SLC24A2: variants seen among roughly 807,000 people sequenced by gnomAD.
SLC24A2 encodes solute carrier family 24 member 2, also known as sodium/potassium/calcium exchanger 2.
In SLC24A2, 36 loss-of-function variants were observed where a neutral mutation model predicts 62.0. The ratio of observed to expected loss-of-function variants is 0.58; its 90% CI spans 0.44 to 0.77. The LOEUF (loss-of-function observed/expected upper bound fraction) is 0.77. Among genes scored for constraint, SLC24A2 ranks in the 30% least tolerant of loss-of-function variants. SLC24A2 has a pLI of 0.00. For missense variants in SLC24A2, 846 were observed against 817.9 expected, an observed-to-expected ratio of 1.03 and a Z score of -0.42; for synonymous variants, 358 against 294.0, an observed-to-expected ratio of 1.22 and a Z score of -2.23.
Position 19,543,635 on chromosome 9 carries a change from G to A in SLC24A2, c.1479+6502C>T, listed in dbSNP as rs115278117. ...CCAGAGATTGTACGTTGTGTTGTTA[G>A]TTCTCATTGGTTTCAAAGAACATCT... On this transcript the variant is annotated intron_variant, in intron 8 of 10. Transcript: ENST00000341998. Among the ~76,000 whole-genome samples, 632 of 152,212 alleles carry A rather than the reference G, an allele frequency of 4.2e-3. 8 individuals are homozygous for A. The highest frequency in any genetic ancestry group is 0.014 in the African/African-American group (599 of 41,534).
At chr9:20,014,141 A>T in the SLC24A2 span, among the ~76,000 whole-genome samples, 1 of 152,134 alleles carries the variant, frequency 6.6e-6, no homozygotes, top group Non-Finnish European at 1.5e-5. Context: ...CTGGGAGGTC[A>T]AGGCTGCAGT....
chr9:19,988,054 TA>T, the SLC24A2 span, among the ~76,000 whole-genome samples: 1 of 152,210 alleles, frequency 6.6e-6, no homozygotes. Context: ...AATAGTTCCT[TA>T]TTCACATCTG....
At chr9:19,586,881 T>C (rs1184351002) in intron 5 of SLC24A2, among the ~76,000 whole-genome samples, 1 of 152,220 alleles carries the variant, frequency 6.6e-6, no homozygotes, top group Non-Finnish European at 1.5e-5. Context: ...TTCTCAGATT[T>C]GATTTCTGAG....
chr9:20,222,246 A>T, the SLC24A2 span, among the ~76,000 whole-genome samples: 84 of 151,960 alleles, frequency 5.5e-4, no homozygotes, highest in Admixed American at 9.2e-4. Flanking sequence ...GAATGTAGAA[A>T]CTGTATTGGT....
the SLC24A2 span, among the ~76,000 whole-genome samples, chr9:20,115,604 G>T: frequency 6.6e-6 from 1 of 152,108 alleles, no homozygotes; most frequent in Admixed American, 6.6e-5. Context: ...CGTCAAACTT[G>T]ATTTCTTAAG....
intron 2 of SLC24A2, among the ~76,000 whole-genome samples, chr9:19,625,711 G>A (rs1818017062): frequency 6.7e-6 from 1 of 149,814 alleles, no homozygotes; most frequent in South Asian, 2.1e-4. Context: ...TTTGAGATGG[G>A]GTTTCACTCT....
At chr9:20,093,018 T>C in the SLC24A2 span, among the ~76,000 whole-genome samples, 1 of 152,128 alleles carries the variant, frequency 6.6e-6, no homozygotes, top group African/African-American at 2.4e-5. Context: ...CTTATGTGAA[T>C]TGTATTTATA....
chr9:20,020,323 A>C, the SLC24A2 span, among the ~76,000 whole-genome samples: 1 of 152,242 alleles, frequency 6.6e-6, no homozygotes, highest in Non-Finnish European at 1.5e-5. Flanking sequence ...AACCAACCCA[A>C]ATGTCCATCA....
the SLC24A2 span, among the ~76,000 whole-genome samples, chr9:20,121,361 T>C: frequency 6.6e-6 from 1 of 152,062 alleles, no homozygotes; most frequent in Non-Finnish European, 1.5e-5. Context: ...TTTGATGCTA[T>C]TATAAATGAA....
chr9:20,191,440 G>A, the SLC24A2 span, among the ~76,000 whole-genome samples: 1 of 151,880 alleles, frequency 6.6e-6, no homozygotes, highest in African/African-American at 2.4e-5. Context: ...TCCTCACCAG[G>A]GATAAGTACA....
the SLC24A2 span, among the ~76,000 whole-genome samples, chr9:20,251,856 G>A: frequency 6.6e-6 from 1 of 152,150 alleles, no homozygotes; most frequent in Non-Finnish European, 1.5e-5. Context: ...GACTCAAGAT[G>A]CTGCTGCAGT....
chr9:19,609,502 A>G (rs900446886), intron 4 of SLC24A2, among the ~76,000 whole-genome samples: 1 of 152,176 alleles, frequency 6.6e-6, no homozygotes, highest in Non-Finnish European at 1.5e-5. Context: ...TAGGACTGGG[A>G]TTGAGTTGCA....
At chr9:20,238,452 G>A in the SLC24A2 span, among the ~76,000 whole-genome samples, 1 of 152,298 alleles carries the variant, frequency 6.6e-6, no homozygotes, top group Non-Finnish European at 1.5e-5. Context: ...TACCACCCCA[G>A]ATCGAGGAAA....
At chr9:19,859,396 C>G in the SLC24A2 span, among the ~76,000 whole-genome samples, 1 of 152,086 alleles carries the variant, frequency 6.6e-6, no homozygotes, top group Non-Finnish European at 1.5e-5. Context: ...CTATTGAGCA[C>G]TATGCTTATT....
the SLC24A2 span, among the ~76,000 whole-genome samples, chr9:20,075,600 T>A: frequency 1.3e-5 from 2 of 152,160 alleles, no homozygotes; most frequent in South Asian, 4.1e-4. Flanking sequence ...GGAGATCAGA[T>A]GGCTTGTAGG....
At chr9:20,175,962 G>C in the SLC24A2 span, among the ~76,000 whole-genome samples, 1 of 152,018 alleles carries the variant, frequency 6.6e-6, no homozygotes, top group Non-Finnish European at 1.5e-5. Flanking sequence ...CATGGAGAGG[G>C]TGTGAGCTGA....
the SLC24A2 span, among the ~76,000 whole-genome samples, chr9:19,941,576 T>TGC: frequency 8.6e-6 from 1 of 116,726 alleles, no homozygotes; most frequent in Non-Finnish European, 1.9e-5. Flanking sequence ...TGTGTGTGTG[T>TGC]GTGTGTGTGT....
the SLC24A2 span, among the ~76,000 whole-genome samples, chr9:19,798,490 A>G: frequency 6.6e-6 from 1 of 152,136 alleles, no homozygotes; most frequent in East Asian, 1.9e-4. Flanking sequence ...GCTGGATTTA[A>G]TTACCAAGTC....
the SLC24A2 span, among the ~76,000 whole-genome samples, chr9:19,943,753 A>G: frequency 6.6e-6 from 1 of 152,174 alleles, no homozygotes; most frequent in Non-Finnish European, 1.5e-5. Flanking sequence ...GCTACCTTTT[A>G]TTTTTAAAAA....
Sources: allele counts gnomAD v4.1 joint callset (sites outside exome capture counted in the v4.1 genomes callset), GRCh38; gene constraint gnomAD v4.1.1; transcripts MANE v1.5; gene names NCBI Gene and HGNC (gene_info 2026-07-23, HGNC 2026-07-21).